Variants in TMEM74 observed in about 807,000 individuals in gnomAD.
TMEM74 encodes transmembrane protein 74.
A neutral mutation model predicts 18.1 loss-of-function variants in TMEM74; 13 were observed. That is an observed-to-expected ratio of 0.72 (90% CI 0.47 to 1.14). The LOEUF (loss-of-function observed/expected upper bound fraction) is 1.14. TMEM74 is among the 50% of genes most tolerant of loss of function. The pLI is 0.00. For synonymous variants in TMEM74, 159 were observed against 146.6 expected (o/e 1.08, Z -0.61); for missense variants, 372 against 375.9 (o/e 0.99, Z 0.09).
chr8:108,784,471 C>A lies in TMEM74; in HGVS notation c.628G>T (p.Ala210Ser), dbSNP rs1280182756. The A allele has an allele frequency of 6.2e-7, 1 of 1,614,146 alleles. No individual in the cohort carries two copies. The highest frequency in any genetic ancestry group is 1.6e-4 in the Middle Eastern group (1 of 6,062). The change falls in exon 2 of 2, where the codon GCA becomes TCA. Residue 210 changes from alanine to serine, a missense_variant. Coordinates refer to ENST00000297459, the MANE Select transcript of TMEM74 (RefSeq NM_153015.3). The stretch of plus-strand genomic sequence containing the variant: ...TCCAGGCGCTCCATCTCCCGGGCTG[C>A]CACAGTGTTGGGGTCCACAGTCACT... ...REVTVDPNTVAAREMERLEKE... is the reference protein window; with the variant it reads ...REVTVDPNTVSAREMERLEKE...
intron 2 of TMEM74, among the ~76,000 whole-genome samples, chr8:108,629,589 G>A (rs1035385263): frequency 1.3e-5 from 2 of 152,014 alleles, no homozygotes; most frequent in African/African-American, 4.8e-5. Context: ...AGCGAGAAAG[G>A]TCAGGTTACC....
chr8:108,680,883 G>C (rs531479181), intron 1 of TMEM74, among the ~76,000 whole-genome samples: 13 of 152,254 alleles, frequency 8.5e-5, no homozygotes, highest in African/African-American at 1.4e-4. Context: ...CAGACAAACA[G>C]AGAGCCAAAT....
At chr8:108,625,285 C>T (rs1812483216) in intron 2 of TMEM74, among the ~76,000 whole-genome samples, 1 of 152,028 alleles carries the variant, frequency 6.6e-6, no homozygotes, top group African/African-American at 2.4e-5. Context: ...AGCAAGGTTC[C>T]AAGTTTTTCA....
rs1813336266 is a variant in TMEM74, at chr8:108,701,651, AC to A, written n.120-46215del. 4.6e-5 allele frequency among the ~76,000 whole-genome samples: 7 copies of A among 152,294 alleles called. No homozygotes were observed. The South Asian group carries it at 1.5e-3, about 32-fold the overall frequency. ...AGCACAATATCATTTAAAATAGCAC[AC>A]CCCAAAATGAAATACTTAGGCAAAA... On this transcript the variant is annotated intron_variant and non_coding_transcript_variant, in intron 1 of 3. Coordinates refer to the TMEM74 transcript ENST00000518838.
intron 1 of TMEM74, among the ~76,000 whole-genome samples, chr8:108,670,792 A>G (rs546769345): frequency 1.1e-3 from 165 of 152,306 alleles, no homozygotes; most frequent in African/African-American, 3.8e-3. Context: ...AATGAATTTT[A>G]GGTTAAAGAA....
At chr8:108,703,753 G>A (rs1586267108) in intron 1 of TMEM74, among the ~76,000 whole-genome samples, 1 of 152,212 alleles carries the variant, frequency 6.6e-6, no homozygotes. Flanking sequence ...CAAGTAAACA[G>A]AGGGAATGAA....
At chr8:108,716,538 C>T (rs1288511913) in intron 1 of TMEM74, among the ~76,000 whole-genome samples, 1 of 151,848 alleles carries the variant, frequency 6.6e-6, no homozygotes, top group Non-Finnish European at 1.5e-5. Context: ...CAAAGTTATT[C>T]AATGCACCCA....
At chr8:108,677,603 T>C (rs1385855680) in intron 1 of TMEM74, among the ~76,000 whole-genome samples, 2 of 152,060 alleles carry the variant, frequency 1.3e-5, no homozygotes, top group Admixed American at 1.3e-4. Flanking sequence ...ATGACTTTTT[T>C]CCAGAAATGC....
rs1447617385 is a variant in TMEM74 at position 108,781,552 on chromosome 8, C to G, written c.*2629G>C. 6.6e-6 allele frequency among the ~76,000 whole-genome samples: 1 copy of G among 152,116 alleles called. No individual in the cohort carries two copies. Among genetic ancestry groups the G allele is most frequent in the Admixed American group, 6.5e-5 (1 of 15,276 alleles). ...GTATCTGAATAATGTCACCACAGCC[C>G]AAAAGAAGTCATTCAGATGATTTTC... is the stretch of plus-strand genomic sequence containing the variant. On this transcript the variant is annotated 3_prime_UTR_variant, in exon 2 of 2. Coordinates refer to ENST00000297459, the MANE Select transcript of TMEM74 (RefSeq NM_153015.3).
At chr8:108,778,535 C>T (rs532106745), downstream of TMEM74, among the ~76,000 whole-genome samples, 19 of 152,120 alleles carry the variant, frequency 1.2e-4, no homozygotes, top group Non-Finnish European at 2.2e-4. Context: ...AGACTTTCTT[C>T]CTATAAAGGA....
intron 1 of TMEM74, chr8:108,655,574 A>G (rs1258426283): frequency 6.6e-6 from 1 of 152,312 alleles, no homozygotes; most frequent in South Asian, 2.1e-4. Flanking sequence ...AATTTTTAAT[A>G]TAGTTCTTAG....
At chr8:108,638,140 G>A (rs1404859159) in intron 2 of TMEM74, among the ~76,000 whole-genome samples, 2 of 152,130 alleles carry the variant, frequency 1.3e-5, no homozygotes, top group African/African-American at 4.8e-5. Flanking sequence ...ATTCTGAAGG[G>A]TCAGTGAAAA....
chr8:108,686,138 T>TA (rs548715666), intron 1 of TMEM74, among the ~76,000 whole-genome samples: 173 of 152,074 alleles, frequency 1.1e-3, no homozygotes, highest in African/African-American at 3.8e-3. Context: ...AAGAATATCC[T>TA]AAAAAAAATT....
intron 1 of TMEM74, among the ~76,000 whole-genome samples, chr8:108,768,874 C>T (rs1335476127): frequency 6.6e-6 from 1 of 152,130 alleles, no homozygotes; most frequent in Admixed American, 6.6e-5. Context: ...CCTTCTTTTC[C>T]ATGTCTTATC....
At chr8:108,682,813 G>A (rs534718856) in intron 1 of TMEM74, among the ~76,000 whole-genome samples, 27 of 151,992 alleles carry the variant, frequency 1.8e-4, no homozygotes, top group Admixed American at 4.6e-4. Flanking sequence ...ACACACTATG[G>A]ACCAACTCCT....
chr8:108,727,415 G>C (rs1294316679), intron 1 of TMEM74, among the ~76,000 whole-genome samples: 1 of 152,138 alleles, frequency 6.6e-6, no homozygotes, highest in Non-Finnish European at 1.5e-5. Flanking sequence ...TTTGGACATA[G>C]AGTCAAGAGA....
At chr8:108,631,916 G>C (rs927450840) in intron 2 of TMEM74, among the ~76,000 whole-genome samples, 1 of 151,978 alleles carries the variant, frequency 6.6e-6, no homozygotes, top group Admixed American at 6.6e-5. Flanking sequence ...ATTCCAAGCT[G>C]TTTTTTATCA....
intron 1 of TMEM74, among the ~76,000 whole-genome samples, chr8:108,771,549 T>C (rs1814173288): frequency 6.6e-6 from 1 of 152,190 alleles, no homozygotes. Context: ...TAGCACATAA[T>C]TGGGATGATG....
At chr8:108,765,318 TCCA>T (rs1814092045) in intron 1 of TMEM74, among the ~76,000 whole-genome samples, 1 of 151,936 alleles carries the variant, frequency 6.6e-6, no homozygotes, top group Non-Finnish European at 1.5e-5. Flanking sequence ...CTGAGAGGCT[TCCA>T]TCATCCTGGA....
Sources: allele counts gnomAD v4.1 joint callset (sites outside exome capture counted in the v4.1 genomes callset), GRCh38; gene constraint gnomAD v4.1.1; transcripts MANE v1.5; gene names NCBI Gene and HGNC (gene_info 2026-07-23, HGNC 2026-07-21).